The following FARS2 variants were observed in gnomAD, a reference collection of about 807,000 sequenced individuals.
The protein encoded by FARS2 is phenylalanyl-tRNA synthetase 2, mitochondrial.
A neutral mutation model predicts 46.4 loss-of-function variants in FARS2; 40 were observed. The observed-to-expected ratio is 0.86, with a 90% CI of 0.67 to 1.12. The LOEUF is 1.12. Ranked by LOEUF, FARS2 falls within the 50% of genes most tolerant of loss-of-function variation. The pLI, the probability that FARS2 is intolerant of heterozygous loss-of-function variation, is 0.00. For synonymous variants in FARS2, 234 were observed against 214.9 expected (o/e 1.09, Z -0.78); for missense variants, 513 against 567.9 (o/e 0.90, Z 0.98).
At chr6:5,326,519 G>T (rs1469268481) in intron 1 of FARS2, among the ~76,000 whole-genome samples, 1 of 152,178 alleles carries the variant, frequency 6.6e-6, no homozygotes, top group African/African-American at 2.4e-5. Flanking sequence ...CAGGTATTTA[G>T]CCAGGGCAGG....
At chr6:5,444,092 C>CGTGTGTGTGT (rs35213574) in intron 4 of FARS2, among the ~76,000 whole-genome samples, 3,226 of 146,274 alleles carry the variant, frequency 0.022, 99 homozygotes, top group African/African-American at 0.065. Context: ...GGAAGATCCT[C>CGTGTGTGTGT]GTGTGTGTGT....
At chr6:5,390,162 C>T (rs947214468) in intron 2 of FARS2, among the ~76,000 whole-genome samples, 1 of 152,202 alleles carries the variant, frequency 6.6e-6, no homozygotes, top group African/African-American at 2.4e-5. Flanking sequence ...CTGCACCCAG[C>T]CTCTACTACA....
At chr6:5,521,621 C>G (rs547190820) in intron 4 of FARS2, among the ~76,000 whole-genome samples, 1 of 152,258 alleles carries the variant, frequency 6.6e-6, no homozygotes, top group East Asian at 1.9e-4. Context: ...TGGCCAAGAC[C>G]CAAGACTCTA....
intron 1 of FARS2, among the ~76,000 whole-genome samples, chr6:5,301,110 A>AT (rs943872119): frequency 2.0e-5 from 3 of 151,326 alleles, no homozygotes. Context: ...AATTGGTATG[A>AT]TTTTTTTCTA....
intron 4 of FARS2, among the ~76,000 whole-genome samples, chr6:5,499,159 C>T (rs1030637188): frequency 5.9e-5 from 9 of 152,174 alleles, no homozygotes; most frequent in African/African-American, 1.7e-4. Context: ...TTGGGCGAGG[C>T]GTGTATCGAT....
At chr6:5,740,727 AT>A (rs1377802073) in intron 6 of FARS2, among the ~76,000 whole-genome samples, 4 of 152,138 alleles carry the variant, frequency 2.6e-5, no homozygotes, top group Non-Finnish European at 1.5e-5. Flanking sequence ...AGCACACATT[AT>A]CCAGGACATT....
chr6:5,342,464 G>C (rs553310074), intron 1 of FARS2, among the ~76,000 whole-genome samples: 1 of 152,202 alleles, frequency 6.6e-6, no homozygotes, highest in South Asian at 2.1e-4. Flanking sequence ...TGGTCAACTA[G>C]ACCAGTTATA....
chr6:5,537,375 C>G (rs1463933332), intron 4 of FARS2, among the ~76,000 whole-genome samples: 1 of 152,200 alleles, frequency 6.6e-6, no homozygotes, highest in Non-Finnish European at 1.5e-5. Flanking sequence ...TTTGCTCCCT[C>G]TCCACCCCAG....
chr6:5,309,021 G>T (rs1768914628), intron 1 of FARS2, among the ~76,000 whole-genome samples: 1 of 152,070 alleles, frequency 6.6e-6, no homozygotes, highest in Admixed American at 6.5e-5. Context: ...CCTCCCACTG[G>T]CCCCATCTCC....
chr6:5,586,716 T>TA (rs1773631877), intron 5 of FARS2, among the ~76,000 whole-genome samples: 3 of 152,160 alleles, frequency 2.0e-5, no homozygotes, highest in African/African-American at 4.8e-5. Flanking sequence ...GCTTGTCTCA[T>TA]AAAATGAGTT....
At position 5,656,651 on chromosome 6, in the gene FARS2, A is replaced by G. The variant is rs888027975; in HGVS notation, c.1217+43331A>G. Among the ~76,000 whole-genome samples the G allele has an allele frequency of 2.0e-5, 3 of 151,968 alleles. No individual in the cohort carries two copies. The East Asian group carries it at 5.8e-4, about 29-fold the overall frequency. On this transcript the variant is annotated intron_variant, in intron 6 of 6. Transcript: ENST00000274680. ...CTGCAACCTCCGCCTCCCGGGTTCA[A>G]GAGGTTCTCCTGCCTCAGCCTCCTG... is the stretch of plus-strand genomic sequence containing the variant.
At chr6:5,355,716 C>T (rs1365113419) in intron 1 of FARS2, among the ~76,000 whole-genome samples, 1 of 152,242 alleles carries the variant, frequency 6.6e-6, no homozygotes, top group East Asian at 1.9e-4. Flanking sequence ...TACACACACA[C>T]ACACAGACAC....
At chr6:5,449,013 C>T (rs1291044920) in intron 4 of FARS2, among the ~76,000 whole-genome samples, 1 of 152,020 alleles carries the variant, frequency 6.6e-6, no homozygotes, top group Non-Finnish European at 1.5e-5. Flanking sequence ...GATCGGAGAG[C>T]GTAAGAGAGC....
At chr6:5,261,476 C>T (rs1292621224), upstream of FARS2, 1 of 152,658 alleles carries the variant, frequency 6.6e-6, no homozygotes, top group Non-Finnish European at 1.5e-5. Context: ...GGCACTCCGG[C>T]TCTGCTCAGG....
the FARS2 span, among the ~76,000 whole-genome samples, chr6:5,253,900 T>C: frequency 6.6e-6 from 1 of 151,962 alleles, no homozygotes; most frequent in African/African-American, 2.4e-5. Context: ...ATGAACCATT[T>C]CTCGATCAGA....
chr6:5,638,681 T>TA (rs563159126), intron 6 of FARS2, among the ~76,000 whole-genome samples: 67 of 152,278 alleles, frequency 4.4e-4, no homozygotes, highest in African/African-American at 1.5e-3. Context: ...CCTGTTCCCA[T>TA]CCCCCCGGCT....
chr6:5,450,773 A>G (rs1562049881), intron 4 of FARS2, among the ~76,000 whole-genome samples: 1 of 152,058 alleles, frequency 6.6e-6, no homozygotes, highest in Non-Finnish European at 1.5e-5. Flanking sequence ...GGCTTCTCTG[A>G]GAACCTCTTC....
At position 5,404,540 on chromosome 6, in the gene FARS2, A is replaced by G. The variant is rs1761439785; in HGVS notation, c.613-2A>G. 2 of 1,577,894 alleles carry G rather than the reference A, an allele frequency of 1.3e-6. No homozygotes were observed. The highest frequency in any genetic ancestry group is 1.7e-6 in the Non-Finnish European group (2 of 1,160,716). ...TATTTATACTTTCCTGTTGGTTTAC[A>G]GTTATTTGCTGGTATAAAGGATGGA... On this transcript the variant is annotated splice_acceptor_variant, in intron 2 of 6. Coordinates refer to ENST00000274680, the MANE Select transcript of FARS2 (RefSeq NM_006567.5). LOFTEE classifies it high-confidence loss of function.
intron 1 of FARS2, among the ~76,000 whole-genome samples, chr6:5,269,958 A>G (rs2127822352): frequency 6.6e-6 from 1 of 152,338 alleles, no homozygotes; most frequent in African/African-American, 2.4e-5. Flanking sequence ...GCAAACTTGT[A>G]ATCTGTATGT....
Sources: allele counts gnomAD v4.1 joint callset (sites outside exome capture counted in the v4.1 genomes callset), GRCh38; gene constraint gnomAD v4.1.1; transcripts MANE v1.5; gene names NCBI Gene and HGNC (gene_info 2026-07-23, HGNC 2026-07-21).